The following TEX2 variants were observed in gnomAD, a reference collection of about 807,000 sequenced individuals.
TEX2 encodes testis-expressed protein 2.
Under a neutral mutation model 106.9 loss-of-function variants are expected in TEX2, and 53 were observed. That is an observed-to-expected ratio of 0.50 (90% CI 0.40 to 0.62). The LOEUF (loss-of-function observed/expected upper bound fraction) is 0.62, where lower values mean the gene tolerates loss of function less well. TEX2 is among the 20% of genes least tolerant of loss of function. The pLI is 0.00. For synonymous variants in TEX2, 523 were observed against 534.8 expected (o/e 0.98, Z 0.30); for missense variants, 1,207 against 1,379.0 (o/e 0.88, Z 1.98).
chr17:64,207,083 T>C (rs1360474832), intron 2 of TEX2, among the ~76,000 whole-genome samples: 1 of 152,198 alleles, frequency 6.6e-6, no homozygotes, highest in Non-Finnish European at 1.5e-5. Flanking sequence ...CCTGATAAAG[T>C]ACACAAAAAC....
At position 64,193,567 on chromosome 17, in the gene TEX2, C is replaced by T. The variant is rs1400313288; in HGVS notation, c.2168G>A (p.Gly723Asp). 37 of 1,430,768 alleles carry T rather than the reference C, an allele frequency of 2.6e-5. No individual in the cohort carries two copies. The highest frequency in any genetic ancestry group is 3.3e-5 in the Non-Finnish European group (36 of 1,083,754). 88.6% of individuals were successfully genotyped at this position (1,430,768 alleles called of 1,614,324 possible). Residue 723 changes from glycine (G) to aspartate (D), a missense_variant, in exon 4 of 12, where the codon GGT becomes GAT. Gly to Asp is a moderately conservative substitution (Grantham distance 94, BLOSUM62 -1). This residue lies in a region of TEX2 where 1,067 missense variants were observed against 1,193.6 expected (regional missense o/e 0.89). Transcript: ENST00000584379. ...EIKKSSGVSGGKPGLLPAHSR... is the reference protein window; with the variant it reads ...EIKKSSGVSGDKPGLLPAHSR... ...AGCACAAACATCATTACCTGGTTTA[C>T]CTCCAGAGACACCCGATGACTTCTT...
chr17:64,220,399 TATC>T (rs2143182525), intron 1 of TEX2, among the ~76,000 whole-genome samples: 1 of 152,212 alleles, frequency 6.6e-6, no homozygotes, highest in Admixed American at 6.5e-5. Context: ...CAAAATAAAC[TATC>T]ATCAGAGTGA....
At chr17:64,188,493 G>A (rs1384714917) in intron 4 of TEX2, 78 bp from the exon 5 acceptor site, 6 of 1,589,632 alleles carry the variant, frequency 3.8e-6, no homozygotes, top group Non-Finnish European at 4.3e-6. Flanking sequence ...GAGAAAAGCA[G>A]CTACAATGCT....
chr17:64,246,924 C>T (rs1273651805), intron 1 of TEX2, among the ~76,000 whole-genome samples: 1 of 152,110 alleles, frequency 6.6e-6, no homozygotes, highest in Non-Finnish European at 1.5e-5. Context: ...AATCACCAGA[C>T]CTAACAGAAA....
At chr17:64,200,665 A>T (rs1480904474) in intron 2 of TEX2, among the ~76,000 whole-genome samples, 1 of 152,228 alleles carries the variant, frequency 6.6e-6, no homozygotes, top group African/African-American at 2.4e-5. Flanking sequence ...GGGAGTTTCA[A>T]GTCCTACCTA....
chr17:64,233,180 C>T (rs183037948), intron 1 of TEX2, among the ~76,000 whole-genome samples: 171 of 152,256 alleles, frequency 1.1e-3, no homozygotes, highest in Non-Finnish European at 1.1e-3. Flanking sequence ...AACTACCCCA[C>T]CCCCAAACAC....
intron 1 of TEX2, among the ~76,000 whole-genome samples, chr17:64,239,875 C>CA (rs61705973): frequency 0.018 from 520 of 29,644 alleles, 125 homozygotes; most frequent in Non-Finnish European, 0.023. Flanking sequence ...GACTCTGTCT[C>CA]AAAAAAAAAA....
chr17:64,241,584 ACCTCATCCTAAAAGTGGGGCCT>A (rs1368567464), intron 1 of TEX2, among the ~76,000 whole-genome samples: 1 of 152,134 alleles, frequency 6.6e-6, no homozygotes, highest in Admixed American at 6.5e-5. Context: ...CTTCCTGACT[ACCTCATCCTAAAAGTGGGGCCT>A]CCTCATCCCT....
At chr17:64,179,445 C>T (rs1438579508) in intron 5 of TEX2, among the ~76,000 whole-genome samples, 1 of 152,178 alleles carries the variant, frequency 6.6e-6, no homozygotes, top group Non-Finnish European at 1.5e-5. Flanking sequence ...TGCTTGGGTG[C>T]CCTTACACAG....
At chr17:64,226,091 T>C (rs189563013) in intron 1 of TEX2, among the ~76,000 whole-genome samples, 112 of 152,320 alleles carry the variant, frequency 7.4e-4, no homozygotes, top group Non-Finnish European at 1.4e-3. Context: ...GGAAAGGGTT[T>C]AAGATTCCAT....
At chr17:64,179,709 A>T (rs1373337987) in intron 5 of TEX2, among the ~76,000 whole-genome samples, 1 of 152,072 alleles carries the variant, frequency 6.6e-6, no homozygotes, top group Non-Finnish European at 1.5e-5. Context: ...TATATTTTAC[A>T]GGAGTCCTTC....
intron 1 of TEX2, among the ~76,000 whole-genome samples, chr17:64,226,966 G>A (rs1299252879): frequency 2.6e-5 from 4 of 152,136 alleles, no homozygotes; most frequent in Admixed American, 6.5e-5. Context: ...GGGGGCTCAC[G>A]CCTGTAATCC....
At chr17:64,224,120 A>G (rs1428954316) in intron 1 of TEX2, among the ~76,000 whole-genome samples, 1 of 152,204 alleles carries the variant, frequency 6.6e-6, no homozygotes, top group Non-Finnish European at 1.5e-5. Context: ...ACCATCTGCT[A>G]GCTTGGGTTA....
chr17:64,255,295 G>A lies in TEX2; in HGVS notation c.-26+7873C>T, dbSNP rs186302577. Among the ~76,000 whole-genome samples the A allele has an allele frequency of 2.6e-5, 4 of 152,228 alleles. No homozygotes were observed. In the East Asian group the frequency reaches 5.8e-4, roughly 22 times the overall value. ...ACTTCTCATACACAAGTCTGTAAGA[G>A]GTTTCCACTAAATGTTCATTTCAGA... On this transcript the variant is annotated intron_variant, in intron 1 of 11. Coordinates refer to ENST00000584379, the MANE Select transcript of TEX2 (RefSeq NM_001288732.2).
At chr17:64,254,105 G>A (rs1259960933) in intron 1 of TEX2, among the ~76,000 whole-genome samples, 1 of 152,126 alleles carries the variant, frequency 6.6e-6, no homozygotes, top group Non-Finnish European at 1.5e-5. Flanking sequence ...CTACCTCTTA[G>A]AGACATTCCG....
intron 2 of TEX2, among the ~76,000 whole-genome samples, chr17:64,204,765 C>G (rs2032777720): frequency 6.6e-6 from 1 of 152,154 alleles, no homozygotes; most frequent in African/African-American, 2.4e-5. Flanking sequence ...CAATAAGAAT[C>G]TTCGATGTTT....
intron 2 of TEX2, among the ~76,000 whole-genome samples, chr17:64,206,843 C>T (rs1555630825): frequency 3.3e-5 from 5 of 152,082 alleles, no homozygotes; most frequent in African/African-American, 7.2e-5. Context: ...GGATTACAGG[C>T]GTGAGCCATC....
chr17:64,167,815 A>G (rs2031210339), intron 7 of TEX2, among the ~76,000 whole-genome samples: 2 of 151,964 alleles, frequency 1.3e-5, no homozygotes, highest in Admixed American at 6.6e-5. Context: ...GTGAAACTCC[A>G]TCTCAAAAAA....
chr17:64,179,696 C>G (rs994897429), intron 5 of TEX2, among the ~76,000 whole-genome samples: 1 of 151,864 alleles, frequency 6.6e-6, no homozygotes, highest in African/African-American at 2.4e-5. Flanking sequence ...CACTGCATGA[C>G]TTTATATTTT....
Sources: allele counts gnomAD v4.1 joint callset (sites outside exome capture counted in the v4.1 genomes callset), GRCh38; gene constraint gnomAD v4.1.1; regional missense constraint gnomAD v4.1.1; transcripts MANE v1.5; gene names NCBI Gene and HGNC (gene_info 2026-07-23, HGNC 2026-07-21).